The following DNA2 variants were observed in gnomAD, a reference collection of about 807,000 sequenced individuals.
DNA2 encodes DNA replication ATP-dependent helicase/nuclease DNA2.
Under a neutral mutation model 119.1 loss-of-function variants are expected in DNA2, and 101 were observed. The observed-to-expected ratio is 0.85, with a 90% CI of 0.72 to 1.00. The LOEUF is 1.00. Ranked by LOEUF, DNA2 falls within the 50% of genes least tolerant of loss-of-function variation. The probability of loss-of-function intolerance (pLI) is 0.00; values close to 1 mark genes in which losing one functional copy is unlikely to be tolerated. For synonymous variants in DNA2, 366 were observed against 424.4 expected, an observed-to-expected ratio of 0.86 and a Z score of 1.69; for missense variants, 1,121 against 1,255.5, an observed-to-expected ratio of 0.89 and a Z score of 1.62.
At chr10:68,466,753 G>C (rs1414915794) in intron 3 of DNA2, among the ~76,000 whole-genome samples, 1 of 151,912 alleles carries the variant, frequency 6.6e-6, no homozygotes, top group Non-Finnish European at 1.5e-5. Context: ...TAATTTTTTT[G>C]TATTTTTAAT....
intron 14 of DNA2, among the ~76,000 whole-genome samples, chr10:68,429,711 C>CAAAAA (rs1165329779): frequency 1.2e-4 from 5 of 40,432 alleles, no homozygotes; most frequent in African/African-American, 1.8e-4. Flanking sequence ...GACTCCATCT[C>CAAAAA]AAAAAAAAAA....
chr10:68,444,884 T>G (rs956553802), intron 8 of DNA2, 37 bp downstream of exon 8: 2 of 1,568,502 alleles, frequency 1.3e-6, no homozygotes, highest in African/African-American at 2.7e-5. Context: ...GAGTTCATAC[T>G]CAACTAGAAA....
At chr10:68,432,053 T>C in intron 12 of DNA2, 82 bp from the exon 13 acceptor site, 1 of 1,191,476 alleles carries the variant, frequency 8.4e-7, no homozygotes. Flanking sequence ...AAAAGCAGTC[T>C]CTATCCAAGT....
At chr10:68,419,921 T>C (rs772715416) in intron 17 of DNA2, 29 bp from the exon 18 acceptor site, 1 of 1,578,860 alleles carries the variant, frequency 6.3e-7, no homozygotes, top group South Asian at 1.1e-5. Context: ...AGCCTGCTGA[T>C]AATACAATCT....
chr10:68,427,453 CA>C (rs961314405), intron 14 of DNA2, among the ~76,000 whole-genome samples: 2 of 151,766 alleles, frequency 1.3e-5, no homozygotes, highest in African/African-American at 4.8e-5. Flanking sequence ...CATTTGAACC[CA>C]AGAGTTCAAG....
chr10:68,422,874 G>A lies in DNA2; in HGVS notation c.2225C>T (p.Thr742Ile). ...LYNSQLIVAT[T>I]CMGINHPIFS... is the part of the protein sequence containing the mutation. Reference sequence around the variant, plus strand: ...TATTGGATGGTTTATTCCCATACATGTTGTTGCAACTATAAGCTAAAAACA... The same window carrying A: ...TATTGGATGGTTTATTCCCATACATATTGTTGCAACTATAAGCTAAAAACA... Residue 742 changes from threonine (T) to isoleucine (I), a missense_variant, in exon 15 of 21, where the codon ACA becomes ATA. Thr to Ile is a moderately conservative substitution (Grantham distance 89). Transcript: ENST00000358410. The A allele has an allele frequency of 6.3e-7, 1 of 1,579,982 alleles. No individual in the cohort carries two copies. The highest frequency in any genetic ancestry group is 8.6e-7 in the Non-Finnish European group (1 of 1,167,726).
rs904539309 is a variant in DNA2 at position 68,419,144 on chromosome 10, A to T, written c.2857T>A (p.Leu953Ile). The T allele has an allele frequency of 3.7e-6, 6 of 1,613,490 alleles. No individual in the cohort carries two copies. The highest frequency in any genetic ancestry group is 4.2e-6 in the Non-Finnish European group (5 of 1,179,718). ...YRQQLKIIND[L>I]LARSIGMVEV... ...ACCATCCCAATAGAACGTGCCAATA[A>T]ATCATTGATGATCTTTAATTGCTGC... The change falls in exon 19 of 21, where the codon TTA becomes ATA. Residue 953 changes from leucine to isoleucine, a missense_variant. Physicochemically the swap from Leu to Ile is conservative, Grantham distance 5. Coordinates refer to ENST00000358410, the MANE Select transcript of DNA2 (RefSeq NM_001080449.3).
chr10:68,454,247 G>A (rs923944678), intron 5 of DNA2, among the ~76,000 whole-genome samples: 2 of 151,672 alleles, frequency 1.3e-5, no homozygotes, highest in African/African-American at 4.8e-5. Context: ...ACAGTACCTG[G>A]TATAATCCTT....
chr10:68,449,329 A>C (rs2133412404), intron 6 of DNA2, among the ~76,000 whole-genome samples: 1 of 152,332 alleles, frequency 6.6e-6, no homozygotes, highest in East Asian at 1.9e-4. Context: ...CTGTATTATT[A>C]AAGTAAAAAG....
intron 5 of DNA2, among the ~76,000 whole-genome samples, chr10:68,457,490 C>T (rs2133428155): frequency 6.6e-6 from 1 of 152,262 alleles, no homozygotes; most frequent in Non-Finnish European, 1.5e-5. Flanking sequence ...CCTATTCTCC[C>T]TTTCTTCTTA....
intron 10 of DNA2, among the ~76,000 whole-genome samples, chr10:68,434,970 G>C (rs1448918670): frequency 6.6e-6 from 1 of 152,194 alleles, no homozygotes; most frequent in African/African-American, 2.4e-5. Context: ...TGTAAGAAAT[G>C]CTGGAAAACA....
In DNA2 at chr10:68,452,492, T is replaced by C. The variant is rs546888021; in HGVS notation, c.720-2245A>G. On this transcript the variant is annotated intron_variant, in intron 5 of 20. Coordinates refer to ENST00000358410, the MANE Select transcript of DNA2 (RefSeq NM_001080449.3). ...ATTTATGAAATGTCACATGTATACCTAATAGAATACAGGTTAAAAAAACTT... is the reference window on the plus strand; with the variant it reads ...ATTTATGAAATGTCACATGTATACCCAATAGAATACAGGTTAAAAAAACTT... Among the ~76,000 whole-genome samples, 5 of 152,300 alleles carry C rather than the reference T, an allele frequency of 3.3e-5. No individual in the cohort carries two copies. The East Asian group carries it at 7.7e-4, about 23-fold the overall frequency.
chr10:68,424,707 C>T (rs1564878637), intron 14 of DNA2: 30 of 1,604,604 alleles, frequency 1.9e-5, no homozygotes, highest in African/African-American at 2.7e-5. Flanking sequence ...CACACCCATC[C>T]GCAAGGACGA....
At chr10:68,452,690 G>C (rs1444366597) in intron 5 of DNA2, among the ~76,000 whole-genome samples, 3 of 149,082 alleles carry the variant, frequency 2.0e-5, no homozygotes, top group Admixed American at 6.7e-5. Context: ...TCCCGCCTCA[G>C]CCTTTCAAGT....
chr10:68,440,901 C>T (rs549918801), intron 9 of DNA2, among the ~76,000 whole-genome samples: 1 of 152,200 alleles, frequency 6.6e-6, no homozygotes, highest in African/African-American at 2.4e-5. Context: ...AAATTCTAGG[C>T]CAGGCATAGT....
intron 6 of DNA2, among the ~76,000 whole-genome samples, chr10:68,448,820 C>A (rs2052074693): frequency 7.6e-6 from 1 of 131,686 alleles, no homozygotes; most frequent in Admixed American, 7.2e-5. Context: ...CTCTGTCACC[C>A]CGGCTGGGGT....
At position 68,419,151 on chromosome 10, in the gene DNA2, G is replaced by A. The variant is rs1161837639; in HGVS notation, c.2850C>T (p.Ile950=). ...CAATAGAACGTGCCAATAAATCATTGATGATCTTTAATTGCTGCCTGTACG... is the reference window on the plus strand; with the variant it reads ...CAATAGAACGTGCCAATAAATCATTAATGATCTTTAATTGCTGCCTGTACG... The part of the protein sequence containing the change: ...IAPYRQQLKI[I]NDLLARSIGM... The change falls in exon 19 of 21, where the codon ATC becomes ATT. Residue 950 remains isoleucine, a synonymous_variant. Transcript: ENST00000358410. 2.5e-6 allele frequency: 4 copies of A among 1,613,114 alleles called. No individual in the cohort carries two copies. Among genetic ancestry groups the A allele is most frequent in the Non-Finnish European group, 3.4e-6 (4 of 1,179,596 alleles).
At chr10:68,455,663 A>C (rs1459813856) in intron 5 of DNA2, among the ~76,000 whole-genome samples, 1 of 152,058 alleles carries the variant, frequency 6.6e-6, no homozygotes, top group Non-Finnish European at 1.5e-5. Context: ...TCTACTAAAA[A>C]TACAAAAATT....
intron 13 of DNA2, among the ~76,000 whole-genome samples, chr10:68,431,640 A>G (rs2051822962): frequency 6.6e-6 from 1 of 152,244 alleles, no homozygotes; most frequent in Non-Finnish European, 1.5e-5. Context: ...ATCACATACC[A>G]CTAACGGAAA....
Sources: gnomAD v4.1 joint callset for allele counts (sites outside exome capture counted in the v4.1 genomes callset) on GRCh38, gnomAD v4.1.1 for gene constraint, MANE v1.5 for transcripts, NCBI Gene and HGNC (gene_info 2026-07-23, HGNC 2026-07-21) for gene names.